Variants in ARPC4 observed in about 807,000 individuals in gnomAD.
ARPC4 encodes actin-related protein 2/3 complex subunit 4.
ARPC4 carries 3 observed loss-of-function variants against 22.8 expected under a neutral mutation model. That is an observed-to-expected ratio of 0.13 (90% CI 0.06 to 0.34). ARPC4 has a LOEUF of 0.34. Among genes scored for constraint, ARPC4 ranks in the 10% least tolerant of loss-of-function variants. The pLI, the probability that ARPC4 is intolerant of heterozygous loss-of-function variation, is 1.00. For synonymous variants in ARPC4, 80 were observed against 72.5 expected, an observed-to-expected ratio of 1.10 and a Z score of -0.52; for missense variants, 98 against 211.0, an observed-to-expected ratio of 0.46 and a Z score of 3.32.
At chr3:9,801,062 T>C (rs1310529797) in intron 3 of ARPC4, among the ~76,000 whole-genome samples, 6 of 151,244 alleles carry the variant, frequency 4.0e-5, no homozygotes, top group Admixed American at 3.9e-4. Flanking sequence ...AATACAGAAA[T>C]TAGCCAGGCG....
intron 1 of ARPC4, among the ~76,000 whole-genome samples, chr3:9,795,389 C>T (rs1475600931): frequency 6.6e-6 from 1 of 152,116 alleles, no homozygotes; most frequent in Non-Finnish European, 1.5e-5. Context: ...TGTCTCACTT[C>T]CCTCTCCAAA....
intron 1 of ARPC4, among the ~76,000 whole-genome samples, chr3:9,793,579 C>T (rs2078806322): frequency 6.6e-6 from 1 of 152,206 alleles, no homozygotes; most frequent in African/African-American, 2.4e-5. Context: ...TTCCTTATCC[C>T]ATTCTTGGTA....
At chr3:9,803,679 C>G in intron 4 of ARPC4, 164 bp from the exon 5 acceptor site, 2 of 835,516 alleles carry the variant, frequency 2.4e-6, no homozygotes, top group Non-Finnish European at 4.1e-6. Context: ...ACACCCTCCC[C>G]CAGAGCAGCT....
intron 1 of ARPC4, among the ~76,000 whole-genome samples, chr3:9,795,086 A>T (rs947337230): frequency 6.6e-6 from 1 of 151,958 alleles, no homozygotes; most frequent in Non-Finnish European, 1.5e-5. Flanking sequence ...GCTCACTGCA[A>T]CCTCAGTCTC....
chr3:9,793,078 G>A (rs1393145337), upstream of ARPC4: 38 of 1,545,860 alleles, frequency 2.5e-5, no homozygotes, highest in Non-Finnish European at 3.1e-5. Flanking sequence ...TCGCGGGGCT[G>A]GCCACTTCCG....
chr3:9,798,118 T>G (rs2078933688), intron 2 of ARPC4: 1 of 182,778 alleles, frequency 5.5e-6, no homozygotes. Flanking sequence ...CTCCATACTT[T>G]TCTTTTTTTT....
At position 9,806,370 on chromosome 3, in the gene ARPC4, G is replaced by T. The variant is rs1000664067; in HGVS notation, c.*155G>T. ...GGTGGGTGGTGTGCTTGCTAGCTGG[G>T]CAAGAAAGCAGCAGTGGACCTGCCC... On this transcript the variant is annotated 3_prime_UTR_variant, in exon 6 of 6. Coordinates refer to ENST00000397261, the MANE Select transcript of ARPC4 (RefSeq NM_005718.5). The T allele has an allele frequency of 2.3e-6, 2 of 871,912 alleles. No individual in the cohort carries two copies. The highest frequency in any genetic ancestry group is 3.3e-5 in the African/African-American group (2 of 61,154). The allele number at this position is 871,912 out of a possible 1,614,324, so 54.0% of individuals were successfully genotyped here.
chr3:9,803,653 C>A, intron 4 of ARPC4, 190 bp from the exon 5 acceptor site: 1 of 762,846 alleles, frequency 1.3e-6, no homozygotes, highest in South Asian at 1.4e-5. Context: ...GGTTCAGTTG[C>A]TTGGATCCAA....
chr3:9,792,627 C>T, upstream of ARPC4: 3 of 1,230,896 alleles, frequency 2.4e-6, no homozygotes, highest in East Asian at 9.5e-5. Context: ...CCCCGGGGCA[C>T]AGCCCGGGGC....
chr3:9,804,967 G>A (rs1471711386), intron 5 of ARPC4, among the ~76,000 whole-genome samples: 5 of 152,248 alleles, frequency 3.3e-5, no homozygotes, highest in Non-Finnish European at 7.3e-5. Context: ...CCTCAGCTGT[G>A]AAATGAAGGT....
intron 1 of ARPC4, among the ~76,000 whole-genome samples, chr3:9,796,087 C>T (rs2078877804): frequency 6.6e-6 from 1 of 151,588 alleles, no homozygotes; most frequent in African/African-American, 2.4e-5. Flanking sequence ...CAGAGTAAGA[C>T]TCTGTCTCAA....
Position 9,806,495 on chromosome 3 carries a change from A to T in ARPC4, c.*280A>T. On this transcript the variant is annotated 3_prime_UTR_variant, in exon 6 of 6. Transcript: ENST00000397261. ...CTTGAAACTTAAACTCTGTGCTTGTAGGATACTGTAACCTTTTTGTCTTTT... is the reference window on the plus strand; with the variant it reads ...CTTGAAACTTAAACTCTGTGCTTGTTGGATACTGTAACCTTTTTGTCTTTT... The T allele has an allele frequency of 6.4e-6, 3 of 469,874 alleles. No homozygotes were observed. The highest frequency in any genetic ancestry group is 3.6e-5 in the Admixed American group (1 of 27,722). The allele number at this position is 469,874 out of a possible 1,614,324, so 29.1% of individuals were successfully genotyped here.
At chr3:9,793,512 C>T (rs897244448) in intron 1 of ARPC4, among the ~76,000 whole-genome samples, 2 of 152,200 alleles carry the variant, frequency 1.3e-5, no homozygotes, top group South Asian at 2.1e-4. Flanking sequence ...ACGACATACG[C>T]CCTTTGTCCT....
At chr3:9,806,034 G>C (rs753240999) in intron 5 of ARPC4, among the ~76,000 whole-genome samples, 176 bp from the exon 6 acceptor site, 67 of 152,222 alleles carry the variant, frequency 4.4e-4, no homozygotes, top group Non-Finnish European at 8.4e-4. Flanking sequence ...GGTGCCCATA[G>C]GTCACTTCTG....
upstream of ARPC4, chr3:9,792,995 C>T: frequency 6.8e-7 from 1 of 1,476,402 alleles, no homozygotes; most frequent in Non-Finnish European, 9.0e-7. Context: ...CTCTACCCCG[C>T]TCGGAGCATA....
chr3:9,803,700 C>A, intron 4 of ARPC4, 143 bp from the exon 5 acceptor site: 1 of 972,958 alleles, frequency 1.0e-6, no homozygotes, highest in Non-Finnish European at 1.6e-6. Flanking sequence ...GGGCTGCTGA[C>A]TGGAAGGGTA....
intron 1 of ARPC4, among the ~76,000 whole-genome samples, chr3:9,794,738 C>T (rs1325965036): frequency 6.6e-6 from 1 of 152,094 alleles, no homozygotes; most frequent in Non-Finnish European, 1.5e-5. Context: ...CAGAACATTT[C>T]CGTCACCCCA....
At chr3:9,796,791 G>A (rs1033046602) in intron 1 of ARPC4, among the ~76,000 whole-genome samples, 52 of 148,758 alleles carry the variant, frequency 3.5e-4, no homozygotes, top group East Asian at 1.6e-3. Context: ...AATACAAAAA[G>A]TTAGCCGGGT....
chr3:9,798,117 TTTC>T (rs1391163438), intron 2 of ARPC4: 1 of 183,638 alleles, frequency 5.4e-6, no homozygotes, highest in Non-Finnish European at 1.1e-5. Context: ...TCTCCATACT[TTTC>T]TTTTTTTTTT....
Sources: gnomAD v4.1 joint callset for allele counts (sites outside exome capture counted in the v4.1 genomes callset) on GRCh38, gnomAD v4.1.1 for gene constraint, MANE v1.5 for transcripts, NCBI Gene and HGNC (gene_info 2026-07-23, HGNC 2026-07-21) for gene names.